UGT1A10: variants seen among roughly 807,000 people sequenced by gnomAD.
UGT1A10 encodes the protein UDP glucuronosyltransferase family 1 member A10, also known as UDP-glucuronosyltransferase 1A10.
A neutral mutation model predicts 45.8 loss-of-function variants in UGT1A10; 49 were observed. The ratio of observed to expected loss-of-function variants is 1.07; its 90% CI spans 0.85 to 1.36. The LOEUF (loss-of-function observed/expected upper bound fraction) is 1.36. Ranked by LOEUF, UGT1A10 falls within the 40% of genes most tolerant of loss-of-function variation. The pLI is 0.00. For synonymous variants in UGT1A10, 284 were observed against 249.7 expected (o/e 1.14, Z -1.29); for missense variants, 745 against 668.6 (o/e 1.11, Z -1.26).
rs768211852 is a variant in UGT1A10 at position 233,729,747 on chromosome 2, C to T, written c.856-37287C>T. 3.1e-6 allele frequency: 5 copies of T among 1,614,002 alleles called. No individual in the cohort carries two copies. The South Asian group carries it at 4.4e-5, about 14-fold the overall frequency. The stretch of plus-strand genomic sequence containing the variant: ...CAACCAATTCAGACCACATGACATT[C>T]ATGCAAAGGGTCAAGAACATGCTCT... On this transcript the variant is annotated intron_variant, in intron 1 of 4. Coordinates refer to ENST00000344644, the MANE Select transcript of UGT1A10 (RefSeq NM_019075.4).
intron 1 of UGT1A10, among the ~76,000 whole-genome samples, chr2:233,675,426 G>T (rs1247129134): frequency 6.6e-6 from 1 of 152,180 alleles, no homozygotes; most frequent in African/African-American, 2.4e-5. Flanking sequence ...ATTAATGACT[G>T]GTTTTAGGTG....
chr2:233,636,564 G>C lies in UGT1A10; in HGVS notation c.42G>C (p.Val14=). ...GGACCAGCCCCGTTCCTTTATGTGT[G>C]TGTCTACTGCTGACCTGTGGCTTTG... ...AGWTSPVPLC[V]CLLLTCGFAE... The change falls in exon 1 of 5, where the codon GTG becomes GTC. Residue 14 remains valine (V), a synonymous_variant. Coordinates refer to ENST00000344644, the MANE Select transcript of UGT1A10 (RefSeq NM_019075.4). The C allele has an allele frequency of 6.2e-7, 1 of 1,614,192 alleles. No homozygotes were observed. Among genetic ancestry groups the C allele is most frequent in the Non-Finnish European group, 8.5e-7 (1 of 1,180,024 alleles).
chr2:233,741,753 A>G (rs1361803894), intron 1 of UGT1A10: 2 of 151,870 alleles, frequency 1.3e-5, no homozygotes, highest in African/African-American at 4.9e-5. Context: ...TTTGTTGGTT[A>G]ATGATGTGTT....
intron 1 of UGT1A10, chr2:233,747,822 C>T (rs1361602523): frequency 6.2e-7 from 1 of 1,613,368 alleles, no homozygotes; most frequent in Non-Finnish European, 8.5e-7. Context: ...CAATTCAGAC[C>T]ACATGACATT....
In UGT1A10 at chr2:233,731,687, A is replaced by G. The variant is rs552192672; in HGVS notation, c.856-35347A>G. Among the ~76,000 whole-genome samples, 734 of 152,308 alleles carry G rather than the reference A, an allele frequency of 4.8e-3. 10 individuals carry two copies. Among genetic ancestry groups the G allele is most frequent in the African/African-American group, 0.017 (699 of 41,550 alleles). On this transcript the variant is annotated intron_variant, in intron 1 of 4. Coordinates refer to ENST00000344644, the MANE Select transcript of UGT1A10 (RefSeq NM_019075.4). ...ATTTTCTTAATCCAGTCTATCATTG[A>G]TGGACATTTGGATTGGTTCCAGGTC...
At chr2:233,674,506 T>C (rs1023098618) in intron 1 of UGT1A10, among the ~76,000 whole-genome samples, 3 of 152,186 alleles carry the variant, frequency 2.0e-5, no homozygotes, top group African/African-American at 7.2e-5. Flanking sequence ...ACACTGAATT[T>C]ATTGTGCCTC....
chr2:233,651,366 T>C (rs1362114506), intron 1 of UGT1A10, among the ~76,000 whole-genome samples: 1 of 152,198 alleles, frequency 6.6e-6, no homozygotes, highest in Admixed American at 6.5e-5. Flanking sequence ...AAGATATGTA[T>C]AAAATAGGAA....
At chr2:233,681,359 C>A (rs2074519870) in intron 1 of UGT1A10, among the ~76,000 whole-genome samples, 2 of 151,692 alleles carry the variant, frequency 1.3e-5, no homozygotes, top group African/African-American at 2.4e-5. Context: ...CATGGTGAAA[C>A]CCCGTCTCCA....
intron 1 of UGT1A10, among the ~76,000 whole-genome samples, chr2:233,684,502 T>G (rs2125529215): frequency 6.6e-6 from 1 of 152,288 alleles, no homozygotes; most frequent in African/African-American, 2.4e-5. Flanking sequence ...CAAAGGGATT[T>G]AGAGATGTAG....
chr2:233,711,268 G>A (rs1198771284), intron 1 of UGT1A10, among the ~76,000 whole-genome samples: 2 of 152,206 alleles, frequency 1.3e-5, no homozygotes, highest in Non-Finnish European at 2.9e-5. Flanking sequence ...CCTCCCCAGG[G>A]TCTAGGAGTC....
chr2:233,719,813 A>T, intron 1 of UGT1A10: 2 of 1,586,286 alleles, frequency 1.3e-6, no homozygotes, highest in Non-Finnish European at 1.7e-6. Flanking sequence ...TCTTTATAAC[A>T]GATAAACTGT....
At chr2:233,747,470 G>C in intron 1 of UGT1A10, 4 of 1,608,766 alleles carry the variant, frequency 2.5e-6, no homozygotes, top group Non-Finnish European at 3.4e-6. Context: ...CATGGACCCA[G>C]GATGAATTTG....
At chr2:233,739,943 C>A (rs1413730564) in intron 1 of UGT1A10, among the ~76,000 whole-genome samples, 1 of 151,878 alleles carries the variant, frequency 6.6e-6, no homozygotes, top group African/African-American at 2.4e-5. Context: ...AAGGTTGGTA[C>A]CTGGTGGGAG....
chr2:233,667,765 A>G (rs2074107756), intron 1 of UGT1A10, among the ~76,000 whole-genome samples: 1 of 152,246 alleles, frequency 6.6e-6, no homozygotes, highest in Non-Finnish European at 1.5e-5. Context: ...TATGCAGCCA[A>G]AAGACACATG....
At chr2:233,713,969 C>G (rs2076358938) in intron 1 of UGT1A10, 1 of 1,602,230 alleles carries the variant, frequency 6.2e-7, no homozygotes. Flanking sequence ...GATTTCATTT[C>G]TGCTTCTCAT....
intron 1 of UGT1A10, chr2:233,729,358 A>T: frequency 1.9e-6 from 3 of 1,614,176 alleles, no homozygotes; most frequent in East Asian, 4.5e-5. Context: ...TTTCACCCTG[A>T]CAACCTATGC....
chr2:233,675,678 T>G (rs2602381), intron 1 of UGT1A10, among the ~76,000 whole-genome samples: 5 of 151,956 alleles, frequency 3.3e-5, no homozygotes, highest in African/African-American at 1.2e-4. Flanking sequence ...CTCAGTGTAA[T>G]GAGCACCCAC....
At chr2:233,662,471 T>G (rs28969998) in intron 1 of UGT1A10, among the ~76,000 whole-genome samples, 4,394 of 152,294 alleles carry the variant, frequency 0.029, 196 homozygotes, top group African/African-American at 0.099. Flanking sequence ...ATAAATGAAA[T>G]TAACTTTTAC....
intron 1 of UGT1A10, chr2:233,648,793 A>T: frequency 5.5e-6 from 5 of 904,832 alleles, no homozygotes; most frequent in South Asian, 5.4e-5. Context: ...GGAGAGAGTA[A>T]GGAACCACAT....
Sources: gnomAD v4.1 joint callset for allele counts (sites outside exome capture counted in the v4.1 genomes callset) on GRCh38, gnomAD v4.1.1 for gene constraint, MANE v1.5 for transcripts, NCBI Gene and HGNC (gene_info 2026-07-23, HGNC 2026-07-21) for gene names.